CCDC30: variants seen among roughly 807,000 people sequenced by gnomAD.
The protein encoded by CCDC30 is coiled-coil domain-containing protein 30.
In CCDC30, 70 loss-of-function variants were observed where a neutral mutation model predicts 100.2. The ratio of observed to expected loss-of-function variants is 0.70; its 90% CI spans 0.58 to 0.85. CCDC30 has a LOEUF of 0.85. CCDC30 is among the 40% of genes least tolerant of loss of function. The pLI, the probability that CCDC30 is intolerant of heterozygous loss-of-function variation, is 0.00. For synonymous variants in CCDC30, 233 were observed against 269.5 expected, an observed-to-expected ratio of 0.86 and a Z score of 1.33; for missense variants, 652 against 771.2, an observed-to-expected ratio of 0.85 and a Z score of 1.83.
intron 6 of CCDC30, among the ~76,000 whole-genome samples, chr1:42,518,562 T>C (rs1644589357): frequency 6.6e-6 from 1 of 152,210 alleles, no homozygotes; most frequent in Non-Finnish European, 1.5e-5. Flanking sequence ...TACAGTAACA[T>C]GCTGTACAGA....
chr1:42,609,487 T>C (rs535506869), intron 10 of CCDC30, among the ~76,000 whole-genome samples: 27 of 152,276 alleles, frequency 1.8e-4, no homozygotes, highest in Non-Finnish European at 3.2e-4. Flanking sequence ...CTAACTCTCA[T>C]GTTGTTCAGG....
At chr1:42,650,497 A>ATATG (rs1181889086) in intron 15 of CCDC30, among the ~76,000 whole-genome samples, 11,604 of 136,056 alleles carry the variant, frequency 0.085, 439 homozygotes, top group African/African-American at 0.096. Flanking sequence ...AAAAATATAT[A>ATATG]TGTGTGTGTG....
chr1:42,504,381 C>T (rs1450423803), intron 6 of CCDC30, among the ~76,000 whole-genome samples: 1 of 152,150 alleles, frequency 6.6e-6, no homozygotes, highest in Non-Finnish European at 1.5e-5. Flanking sequence ...CACCTGTTAT[C>T]AAGGGGTTTT....
At chr1:42,577,932 G>A (rs369518146) in intron 8 of CCDC30, among the ~76,000 whole-genome samples, 13 of 152,066 alleles carry the variant, frequency 8.5e-5, no homozygotes, top group Admixed American at 1.3e-4. Flanking sequence ...GAGCCACCGC[G>A]CCTGGCCCAT....
chr1:42,567,179 G>GT (rs1347156767), intron 7 of CCDC30, among the ~76,000 whole-genome samples: 2 of 140,940 alleles, frequency 1.4e-5, no homozygotes, highest in African/African-American at 5.5e-5. Context: ...TATCCCCATG[G>GT]TGCAGGGGTC....
chr1:42,545,050 T>A (rs1194592758), intron 6 of CCDC30, among the ~76,000 whole-genome samples: 1 of 150,830 alleles, frequency 6.6e-6, no homozygotes, highest in Non-Finnish European at 1.5e-5. Context: ...AAAACAAAAA[T>A]GTGTGGTGAT....
At chr1:42,528,726 G>T (rs2148511712) in intron 6 of CCDC30, among the ~76,000 whole-genome samples, 1 of 152,338 alleles carries the variant, frequency 6.6e-6, no homozygotes, top group South Asian at 2.1e-4. Flanking sequence ...AGAGAAGCAA[G>T]TACTTTTTTG....
At chr1:42,594,365 T>C (rs978146253) in intron 10 of CCDC30, 3 of 152,118 alleles carry the variant, frequency 2.0e-5, no homozygotes, top group African/African-American at 4.8e-5. Context: ...TTTTTTTTAA[T>C]TAGCTGGGCC....
intron 11 of CCDC30, among the ~76,000 whole-genome samples, chr1:42,621,575 G>T (rs1338565561): frequency 6.6e-6 from 1 of 151,946 alleles, no homozygotes; most frequent in Non-Finnish European, 1.5e-5. Context: ...GCAGTGGCGT[G>T]ATCTCTGCTC....
intron 6 of CCDC30, among the ~76,000 whole-genome samples, chr1:42,504,961 C>T (rs1315541386): frequency 6.6e-6 from 1 of 152,154 alleles, no homozygotes; most frequent in African/African-American, 2.4e-5. Context: ...TTCATGTTTA[C>T]CTCTTGTCAG....
At chr1:42,457,318 C>CACA in the CCDC30 span, 1 of 1,614,166 alleles carries the variant, frequency 6.2e-7, no homozygotes, top group Non-Finnish European at 8.5e-7. Flanking sequence ...AATGCCTGAA[C>CACA]ACAAGATCCA....
intron 6 of CCDC30, chr1:42,510,168 C>T: frequency 3.2e-6 from 3 of 928,830 alleles, no homozygotes; most frequent in Non-Finnish European, 3.9e-6. Context: ...AGTACTGCCT[C>T]TCTTCCAATT....
At chr1:42,601,054 C>CT (rs1646396286) in intron 10 of CCDC30, among the ~76,000 whole-genome samples, 1 of 152,122 alleles carries the variant, frequency 6.6e-6, no homozygotes, top group African/African-American at 2.4e-5. Flanking sequence ...TGAGAACGGA[C>CT]TAATACAGAC....
At chr1:42,576,518 A>G (rs1349086685) in intron 7 of CCDC30, among the ~76,000 whole-genome samples, 3 of 152,222 alleles carry the variant, frequency 2.0e-5, no homozygotes, top group Non-Finnish European at 4.4e-5. Flanking sequence ...AATTATAGAA[A>G]TGGATAGCAA....
chr1:42,543,163 C>T (rs918131873), intron 6 of CCDC30, among the ~76,000 whole-genome samples: 7 of 151,732 alleles, frequency 4.6e-5, no homozygotes, highest in Non-Finnish European at 1.0e-4. Context: ...TTAGTAGAGA[C>T]GGGATTTCAC....
chr1:42,625,250 T>G (rs1646910542), intron 11 of CCDC30, among the ~76,000 whole-genome samples: 1 of 152,174 alleles, frequency 6.6e-6, no homozygotes, highest in African/African-American at 2.4e-5. Context: ...GTCCCTGATT[T>G]TATTTATTTG....
intron 10 of CCDC30, among the ~76,000 whole-genome samples, chr1:42,601,173 G>A (rs1164008841): frequency 6.6e-6 from 1 of 152,152 alleles, no homozygotes; most frequent in African/African-American, 2.4e-5. Context: ...AGAAGAAATC[G>A]CAAGAGAAAT....
intron 6 of CCDC30, among the ~76,000 whole-genome samples, chr1:42,520,337 CTTT>C (rs536492306): frequency 1.4e-5 from 2 of 144,406 alleles, no homozygotes; most frequent in Non-Finnish European, 1.5e-5. Context: ...TTTCTTTTCT[CTTT>C]TTTTTTTTTG....
intron 6 of CCDC30, among the ~76,000 whole-genome samples, chr1:42,547,279 G>A (rs1216723362): frequency 6.6e-6 from 1 of 151,828 alleles, no homozygotes; most frequent in African/African-American, 2.4e-5. Flanking sequence ...GTGTCTTACA[G>A]GATTTTTGAG....
Sources: allele counts gnomAD v4.1 joint callset (sites outside exome capture counted in the v4.1 genomes callset), GRCh38; gene constraint gnomAD v4.1.1; transcripts MANE v1.5; gene names NCBI Gene and HGNC (gene_info 2026-07-23, HGNC 2026-07-21).